The following CAST variants were observed in gnomAD, a reference collection of about 807,000 sequenced individuals.
CAST encodes the protein calpastatin, also known as MIR583 host.
CAST carries 76 observed loss-of-function variants against 119.6 expected under a neutral mutation model. That is an observed-to-expected ratio of 0.64 (90% CI 0.53 to 0.77). The LOEUF (loss-of-function observed/expected upper bound fraction) is 0.77, where lower values mean the gene tolerates loss of function less well. Among genes scored for constraint, CAST ranks in the 30% least tolerant of loss-of-function variants. CAST has a pLI of 0.00. For missense variants in CAST, 953 were observed against 946.5 expected (o/e 1.01, Z -0.09); for synonymous variants, 319 against 331.6 (o/e 0.96, Z 0.41).
At chr5:96,132,676 T>C in the CAST span, among the ~76,000 whole-genome samples, 1 of 152,138 alleles carries the variant, frequency 6.6e-6, no homozygotes, top group Non-Finnish European at 1.5e-5. Context: ...CATCTTTAAT[T>C]TGAAAGACTA....
chr5:96,457,037 A>G, the CAST span, among the ~76,000 whole-genome samples: 11 of 152,226 alleles, frequency 7.2e-5, no homozygotes, highest in East Asian at 1.7e-3. Flanking sequence ...TCTTTCCTTT[A>G]TAAATTACCC....
At chr5:96,368,077 T>TAA in the CAST span, among the ~76,000 whole-genome samples, 2 of 152,152 alleles carry the variant, frequency 1.3e-5, no homozygotes, top group Non-Finnish European at 2.9e-5. Flanking sequence ...TGCAAATGTA[T>TAA]TCATAACTGA....
chr5:96,637,934 C>T (rs757410615), intron 1 of CAST, among the ~76,000 whole-genome samples: 1 of 152,104 alleles, frequency 6.6e-6, no homozygotes, highest in Non-Finnish European at 1.5e-5. Context: ...ATGGCTGGAT[C>T]CCTGGACCAC....
the CAST span, among the ~76,000 whole-genome samples, chr5:96,011,462 A>C: frequency 4.6e-5 from 7 of 152,222 alleles, no homozygotes; most frequent in Non-Finnish European, 8.8e-5. Flanking sequence ...ATGGGTACAT[A>C]GTTGCCCATG....
chr5:96,488,062 A>G, the CAST span, among the ~76,000 whole-genome samples: 1 of 152,232 alleles, frequency 6.6e-6, no homozygotes, highest in Admixed American at 6.5e-5. Context: ...TATGGCTAAA[A>G]ATATCATCTG....
the CAST span, chr5:96,392,017 A>G: frequency 6.6e-6 from 1 of 152,204 alleles, no homozygotes; most frequent in Non-Finnish European, 1.5e-5. Flanking sequence ...CGCTGTTCTA[A>G]TGAACACAGT....
At chr5:96,530,811 A>G (rs531526877) in intron 1 of CAST, among the ~76,000 whole-genome samples, 1 of 152,174 alleles carries the variant, frequency 6.6e-6, no homozygotes, top group African/African-American at 2.4e-5. Flanking sequence ...TTTTCTCTTG[A>G]GAATGGCTCT....
the CAST span, chr5:96,408,283 G>A: frequency 6.2e-7 from 1 of 1,614,104 alleles, no homozygotes; most frequent in Non-Finnish European, 8.5e-7. Context: ...CGAGGTGCCT[G>A]TGTGCGTCTC....
the CAST span, chr5:96,397,422 TAGG>T: frequency 4.3e-6 from 7 of 1,612,402 alleles, no homozygotes; most frequent in Non-Finnish European, 5.1e-6. Flanking sequence ...TTAAAGCCAT[TAGG>T]AGATGTATCC....
chr5:96,418,657 T>C, the CAST span, among the ~76,000 whole-genome samples: 1 of 152,178 alleles, frequency 6.6e-6, no homozygotes, highest in African/African-American at 2.4e-5. Context: ...CTCCAATTGC[T>C]GTAAAGGCCA....
chr5:95,977,177 A>G, the CAST span, among the ~76,000 whole-genome samples: 1 of 152,250 alleles, frequency 6.6e-6, no homozygotes, highest in Admixed American at 6.5e-5. Context: ...AAACTGGGCA[A>G]CTTATAAACA....
chr5:96,256,422 G>A, the CAST span, among the ~76,000 whole-genome samples: 1 of 149,710 alleles, frequency 6.7e-6, no homozygotes, highest in Non-Finnish European at 1.5e-5. Flanking sequence ...TATTAATGAT[G>A]ATACATTCTG....
the CAST span, among the ~76,000 whole-genome samples, chr5:96,420,727 G>A: frequency 7.2e-6 from 1 of 139,770 alleles, no homozygotes; most frequent in Non-Finnish European, 1.6e-5. Flanking sequence ...AGTTCTGAGG[G>A]AGAATAAGGA....
At chr5:96,576,242 G>T (rs543164513) in intron 1 of CAST, among the ~76,000 whole-genome samples, 1 of 152,172 alleles carries the variant, frequency 6.6e-6, no homozygotes, top group Non-Finnish European at 1.5e-5. Flanking sequence ...GTTGAAAAGT[G>T]TTCCTTCTTC....
At chr5:96,433,108 G>A in the CAST span, 1 of 1,477,308 alleles carries the variant, frequency 6.8e-7, no homozygotes. Flanking sequence ...TAGGAGAAAA[G>A]CCAGACAGAC....
chr5:96,604,074 A>G (rs977339134), intron 1 of CAST, among the ~76,000 whole-genome samples: 8 of 152,096 alleles, frequency 5.3e-5, no homozygotes, highest in Non-Finnish European at 8.8e-5. Flanking sequence ...CCCTTGTGCT[A>G]TACATTTATA....
At chr5:95,994,180 G>T in the CAST span, among the ~76,000 whole-genome samples, 1 of 152,096 alleles carries the variant, frequency 6.6e-6, no homozygotes, top group Admixed American at 6.6e-5. Flanking sequence ...TTGTCCAAGA[G>T]AAATGAAAAT....
the CAST span, among the ~76,000 whole-genome samples, chr5:96,378,894 G>C: frequency 6.6e-6 from 1 of 152,026 alleles, no homozygotes; most frequent in African/African-American, 2.4e-5. Context: ...AGATTACAGT[G>C]TATGTATATA....
the CAST span, among the ~76,000 whole-genome samples, chr5:96,058,469 A>G: frequency 6.6e-6 from 1 of 152,038 alleles, no homozygotes; most frequent in Non-Finnish European, 1.5e-5. Context: ...TCCTCAGTCA[A>G]CTTCATGTTT....
Sources: gnomAD v4.1 joint callset for allele counts (sites outside exome capture counted in the v4.1 genomes callset) on GRCh38, gnomAD v4.1.1 for gene constraint, MANE v1.5 for transcripts, NCBI Gene and HGNC (gene_info 2026-07-23, HGNC 2026-07-21) for gene names.